The following NAV2 variants were observed in gnomAD, a reference collection of about 807,000 sequenced individuals.
NAV2 encodes the protein neuron navigator 2.
In NAV2, 54 loss-of-function variants were observed where a neutral mutation model predicts 223.2. The observed-to-expected ratio is 0.24, with a 90% CI of 0.19 to 0.30. NAV2 has a LOEUF of 0.30. Ranked by LOEUF, NAV2 falls within the 10% of genes least tolerant of loss-of-function variation. The pLI is 1.00. For missense variants in NAV2, 2,806 were observed against 3,147.5 expected (o/e 0.89, Z 2.60); for synonymous variants, 1,279 against 1,239.3 (o/e 1.03, Z -0.67).
intron 1 of NAV2, among the ~76,000 whole-genome samples, chr11:19,355,694 G>A (rs73428643): frequency 0.011 from 1,638 of 152,210 alleles, 38 homozygotes; most frequent in African/African-American, 0.038. Context: ...TTCCTGGCTG[G>A]CTCCCTTGTT....
chr11:19,560,889 G>A (rs1368277202), intron 1 of NAV2, among the ~76,000 whole-genome samples: 1 of 152,240 alleles, frequency 6.6e-6, no homozygotes, highest in Non-Finnish European at 1.5e-5. Flanking sequence ...AAATAAGTTT[G>A]AGAAACTCTG....
chr11:19,868,610 C>A (rs755077890), intron 3 of NAV2, among the ~76,000 whole-genome samples: 2 of 152,184 alleles, frequency 1.3e-5, no homozygotes, highest in Non-Finnish European at 2.9e-5. Flanking sequence ...CCTTTCCCCA[C>A]CTCCATTTTT....
intron 1 of NAV2, among the ~76,000 whole-genome samples, chr11:19,727,067 G>A (rs10500861): frequency 0.23 from 34,616 of 152,106 alleles, 7,074 homozygotes; most frequent in African/African-American, 0.55. Context: ...CATCTCTCAT[G>A]TTGCTTAGGG....
chr11:19,441,167 A>G (rs1851386228), intron 1 of NAV2, among the ~76,000 whole-genome samples: 1 of 152,134 alleles, frequency 6.6e-6, no homozygotes, highest in African/African-American at 2.4e-5. Flanking sequence ...CGGGGGAGGA[A>G]TACGATGCAA....
rs2059987759 is a variant in NAV2 at position 19,832,243 on chromosome 11, T to G, written c.268-241T>G. Reference sequence around the variant, plus strand: ...CCCCTGTCTCATTCAGCCCTCTGCATGTTTTGAAGCTTTCTTTAGTTTTTC... The same window carrying G: ...CCCCTGTCTCATTCAGCCCTCTGCAGGTTTTGAAGCTTTCTTTAGTTTTTC... On this transcript the variant is annotated intron_variant, in intron 1 of 37. Transcript: ENST00000349880. 6.6e-6 allele frequency among the ~76,000 whole-genome samples: 1 copy of G among 152,200 alleles called. No homozygotes were observed. The highest frequency in any genetic ancestry group is 6.5e-5 in the Admixed American group (1 of 15,280).
intron 2 of NAV2, among the ~76,000 whole-genome samples, chr11:19,837,163 A>G (rs2060281575): frequency 6.6e-6 from 1 of 152,242 alleles, no homozygotes; most frequent in Non-Finnish European, 1.5e-5. Context: ...CAGTGTGAAC[A>G]TCAAAATCAA....
chr11:19,670,258 C>A (rs892969489), intron 1 of NAV2, among the ~76,000 whole-genome samples: 6 of 152,208 alleles, frequency 3.9e-5, no homozygotes, highest in Admixed American at 1.3e-4. Flanking sequence ...AGCAAGACTT[C>A]CTTGATTCCC....
intron 11 of NAV2, among the ~76,000 whole-genome samples, chr11:20,032,497 C>G (rs1197056803): frequency 2.6e-5 from 4 of 152,228 alleles, no homozygotes; most frequent in Non-Finnish European, 5.9e-5. Context: ...TACAACTGCT[C>G]TCTTTCCTCC....
intron 1 of NAV2, among the ~76,000 whole-genome samples, chr11:19,663,734 C>T (rs2048345492): frequency 6.6e-6 from 1 of 152,222 alleles, no homozygotes; most frequent in Non-Finnish European, 1.5e-5. Context: ...ATTCAAGTCT[C>T]CCCAGCCCTT....
chr11:20,081,051 G>A (rs1054865356), intron 25 of NAV2, among the ~76,000 whole-genome samples: 10 of 152,196 alleles, frequency 6.6e-5, no homozygotes, highest in African/African-American at 2.4e-4. Context: ...TGTTTCACTA[G>A]TAGCTTCAGT....
intron 31 of NAV2, among the ~76,000 whole-genome samples, chr11:20,100,528 G>A (rs903189506): frequency 2.7e-5 from 4 of 150,136 alleles, no homozygotes; most frequent in Admixed American, 6.7e-5. Flanking sequence ...AGATGCCATA[G>A]GTATAGTATA....
At chr11:19,823,693 T>C (rs2059504116) in intron 1 of NAV2, among the ~76,000 whole-genome samples, 1 of 152,172 alleles carries the variant, frequency 6.6e-6, no homozygotes, top group Non-Finnish European at 1.5e-5. Context: ...AGCAACTCAG[T>C]AGGTCCTAAG....
chr11:19,578,431 T>A (rs920822038), intron 1 of NAV2, among the ~76,000 whole-genome samples: 1 of 152,154 alleles, frequency 6.6e-6, no homozygotes, highest in African/African-American at 2.4e-5. Context: ...TCATTGAGCC[T>A]CTAGAAGGGA....
intron 1 of NAV2, among the ~76,000 whole-genome samples, chr11:19,351,331 CT>C (rs760690203): frequency 1.3e-5 from 2 of 152,226 alleles, no homozygotes; most frequent in Non-Finnish European, 2.9e-5. Context: ...ATATGAGTTT[CT>C]TTGTACTGAA....
chr11:19,582,773 G>A (rs1288498739), intron 1 of NAV2, among the ~76,000 whole-genome samples: 1 of 152,170 alleles, frequency 6.6e-6, no homozygotes, highest in Admixed American at 6.5e-5. Context: ...CTGTAGCCTT[G>A]TAGTATAGTT....
chr11:19,804,368 G>T (rs1055683172), intron 1 of NAV2, among the ~76,000 whole-genome samples: 2 of 152,150 alleles, frequency 1.3e-5, no homozygotes, highest in African/African-American at 4.8e-5. Context: ...CCCAAGTCTT[G>T]CAAGGTATCT....
chr11:19,994,077 T>C lies in NAV2; in HGVS notation c.2768+9830T>C, dbSNP rs577318146. 2.8e-4 allele frequency among the ~76,000 whole-genome samples: 43 copies of C among 152,272 alleles called. 2 individuals are homozygous for C. In the South Asian group the frequency reaches 8.5e-3, roughly 30 times the overall value. ...CAGAAGCATCGGGGACTGCATATGG[T>C]CCTATACTGGGAACTTGCTGTTATC... On this transcript the variant is annotated intron_variant, in intron 11 of 37. Coordinates refer to ENST00000349880, the MANE Select transcript of NAV2 (RefSeq NM_145117.5).
chr11:19,458,432 TA>T (rs1369414665), intron 1 of NAV2, among the ~76,000 whole-genome samples: 1 of 152,220 alleles, frequency 6.6e-6, no homozygotes, highest in African/African-American at 2.4e-5. Flanking sequence ...TGAAATATGA[TA>T]AAGTCTAGCC....
At chr11:19,366,630 AT>A (rs1167941890) in intron 1 of NAV2, among the ~76,000 whole-genome samples, 1 of 152,130 alleles carries the variant, frequency 6.6e-6, no homozygotes, top group Non-Finnish European at 1.5e-5. Context: ...CCCAGATAAA[AT>A]CCTGGATCCA....
Sources: gnomAD v4.1 joint callset for allele counts (sites outside exome capture counted in the v4.1 genomes callset) on GRCh38, gnomAD v4.1.1 for gene constraint, MANE v1.5 for transcripts, NCBI Gene and HGNC (gene_info 2026-07-23, HGNC 2026-07-21) for gene names.